CNTN4: variants seen among roughly 807,000 people sequenced by gnomAD.
CNTN4 encodes the protein contactin-4.
Under a neutral mutation model 122.5 loss-of-function variants are expected in CNTN4, and 77 were observed. The ratio of observed to expected loss-of-function variants is 0.63; its 90% CI spans 0.52 to 0.76. The LOEUF is 0.76. CNTN4 is among the 30% of genes least tolerant of loss of function. The pLI is 0.00. For synonymous variants in CNTN4, 512 were observed against 447.0 expected, an observed-to-expected ratio of 1.15 and a Z score of -1.83; for missense variants, 1,256 against 1,259.1, an observed-to-expected ratio of 1.00 and a Z score of 0.04.
intron 20 of CNTN4, 101 bp from the exon 21 acceptor site, chr3:3,042,209 G>A: frequency 7.9e-6 from 7 of 890,938 alleles, no homozygotes; most frequent in East Asian, 2.6e-5. Flanking sequence ...CATTAAGGAC[G>A]ATTCTATAAC....
intron 4 of CNTN4, among the ~76,000 whole-genome samples, chr3:2,590,310 G>T (rs866145612): frequency 6.6e-6 from 1 of 152,148 alleles, no homozygotes; most frequent in South Asian, 2.1e-4. Context: ...AGGCTGGAGT[G>T]CAGTGGCACG....
intron 2 of CNTN4, among the ~76,000 whole-genome samples, chr3:2,284,628 T>C (rs137995812): frequency 7.9e-5 from 12 of 152,224 alleles, no homozygotes; most frequent in East Asian, 7.7e-4. Flanking sequence ...AATTTTCTAT[T>C]GTGGAGAAAT....
At chr3:2,745,790 A>G in intron 6 of CNTN4, 93 bp downstream of exon 6, 1 of 1,114,994 alleles carries the variant, frequency 9.0e-7, no homozygotes, top group South Asian at 1.3e-5. Context: ...TTTAGAGACT[A>G]GATTTTAATT....
intron 2 of CNTN4, among the ~76,000 whole-genome samples, chr3:2,124,474 C>CG (rs1559265723): frequency 5.1e-4 from 55 of 107,594 alleles, no homozygotes; most frequent in African/African-American, 1.9e-3. Context: ...ACACACACAC[C>CG]CCCTTAAGCA....
At chr3:2,346,932 T>C (rs1379604579) in intron 3 of CNTN4, among the ~76,000 whole-genome samples, 1 of 152,210 alleles carries the variant, frequency 6.6e-6, no homozygotes, top group Non-Finnish European at 1.5e-5. Context: ...AAAATTACTT[T>C]TGTTGTCTCT....
chr3:3,018,468 A>G (rs773445110), intron 14 of CNTN4, among the ~76,000 whole-genome samples: 3 of 152,194 alleles, frequency 2.0e-5, no homozygotes, highest in Admixed American at 6.5e-5. Context: ...TGTCTGGCAC[A>G]GAAGAGTAAT....
chr3:2,153,845 A>T (rs2035599540), intron 2 of CNTN4, among the ~76,000 whole-genome samples: 1 of 152,160 alleles, frequency 6.6e-6, no homozygotes, highest in Non-Finnish European at 1.5e-5. Flanking sequence ...AGTCATGTGT[A>T]AATTTCACAT....
intron 3 of CNTN4, among the ~76,000 whole-genome samples, chr3:2,397,294 T>G (rs2046675697): frequency 6.6e-6 from 1 of 152,192 alleles, no homozygotes; most frequent in Non-Finnish European, 1.5e-5. Context: ...AAGCAAGAAC[T>G]AAAAACGTAT....
chr3:2,789,542 T>C (rs1298015749), intron 6 of CNTN4, among the ~76,000 whole-genome samples: 1 of 152,156 alleles, frequency 6.6e-6, no homozygotes, highest in Non-Finnish European at 1.5e-5. Flanking sequence ...AAGTGATTCT[T>C]CTGCCTCAGC....
intron 2 of CNTN4, among the ~76,000 whole-genome samples, chr3:2,257,722 C>A (rs1408381094): frequency 6.6e-6 from 1 of 152,086 alleles, no homozygotes; most frequent in Non-Finnish European, 1.5e-5. Flanking sequence ...CAAATCAAAA[C>A]CACAATGAGA....
intron 6 of CNTN4, among the ~76,000 whole-genome samples, chr3:2,751,150 A>G (rs1305165190): frequency 1.3e-5 from 2 of 150,582 alleles, no homozygotes; most frequent in African/African-American, 2.4e-5. Flanking sequence ...AAAAATACAA[A>G]AAAAAAAATT....
chr3:2,729,311 T>C (rs897793338), intron 4 of CNTN4, among the ~76,000 whole-genome samples: 22 of 152,020 alleles, frequency 1.4e-4, no homozygotes, highest in South Asian at 4.1e-4. Flanking sequence ...ACGCCTGTAA[T>C]CCTAGCACTT....
At chr3:2,978,446 A>G (rs888913792) in intron 13 of CNTN4, among the ~76,000 whole-genome samples, 1 of 152,120 alleles carries the variant, frequency 6.6e-6, no homozygotes, top group African/African-American at 2.4e-5. Context: ...TAGAAAACCC[A>G]CCATCTGCTC....
At chr3:2,640,311 GT>G (rs2082845201) in intron 4 of CNTN4, among the ~76,000 whole-genome samples, 1 of 152,192 alleles carries the variant, frequency 6.6e-6, no homozygotes, top group Non-Finnish European at 1.5e-5. Flanking sequence ...CTCTAACACT[GT>G]AGCACTTTTT....
At chr3:2,664,414 T>TA (rs2084049302) in intron 4 of CNTN4, among the ~76,000 whole-genome samples, 2 of 93,360 alleles carry the variant, frequency 2.1e-5, no homozygotes, top group Non-Finnish European at 4.3e-5. Context: ...ATCACCTATA[T>TA]TTTTTTTCCT....
At chr3:2,182,636 G>A (rs1420164762) in intron 2 of CNTN4, among the ~76,000 whole-genome samples, 4 of 152,050 alleles carry the variant, frequency 2.6e-5, no homozygotes. Flanking sequence ...TTAAAATTAG[G>A]AGTCAATTAG....
In CNTN4 at chr3:2,640,308, A is replaced by G. The variant is rs561360936; in HGVS notation, c.55+68750A>G. On this transcript the variant is annotated intron_variant, in intron 4 of 24. Transcript: ENST00000418658. ...AACAGATCAAAAACTGTACTCTAAC[A>G]CTGTAGCACTTTTTATATTTTTCTT... Among the ~76,000 whole-genome samples the G allele has an allele frequency of 1.3e-3, 196 of 152,292 alleles. 4 individuals carry two copies. In the South Asian group the frequency reaches 0.015, roughly 12 times the overall value.
At chr3:2,644,501 G>A (rs2083032744) in intron 4 of CNTN4, among the ~76,000 whole-genome samples, 1 of 151,908 alleles carries the variant, frequency 6.6e-6, no homozygotes, top group South Asian at 2.1e-4. Flanking sequence ...ATCTTGCCAT[G>A]CTTTACCCTG....
At chr3:2,517,913 G>GGT (rs945797617) in intron 3 of CNTN4, among the ~76,000 whole-genome samples, 1 of 152,122 alleles carries the variant, frequency 6.6e-6, no homozygotes, top group Non-Finnish European at 1.5e-5. Flanking sequence ...GGTAATTTAA[G>GGT]GTGTGTGACT....
Sources: allele counts gnomAD v4.1 joint callset (sites outside exome capture counted in the v4.1 genomes callset), GRCh38; gene constraint gnomAD v4.1.1; transcripts MANE v1.5; gene names NCBI Gene and HGNC (gene_info 2026-07-23, HGNC 2026-07-21).